MAML2: variants seen among roughly 807,000 people sequenced by gnomAD.
The protein encoded by MAML2 is mastermind-like protein 2.
In MAML2, 22 loss-of-function variants were observed where a neutral mutation model predicts 96.1. The ratio of observed to expected loss-of-function variants is 0.23; its 90% CI spans 0.16 to 0.33. The LOEUF (loss-of-function observed/expected upper bound fraction) is 0.33, where lower values mean the gene tolerates loss of function less well. Among genes scored for constraint, MAML2 ranks in the 10% least tolerant of loss-of-function variants. The probability of loss-of-function intolerance (pLI) is 1.00; values close to 1 mark genes in which losing one functional copy is unlikely to be tolerated. For missense variants in MAML2, 1,367 were observed against 1,392.4 expected (o/e 0.98, Z 0.29); for synonymous variants, 561 against 521.3 (o/e 1.08, Z -1.04).
rs1369876323 is a variant in MAML2, at chr11:96,092,136, T to C, written c.1895A>G (p.Gln632Arg). 2 of 1,550,950 alleles carry C rather than the reference T, an allele frequency of 1.3e-6. No homozygotes were observed. Among genetic ancestry groups the C allele is most frequent in the South Asian group, 1.2e-5 (1 of 84,010 alleles). ...SSISAQQQQQ[Q>R]QSSISAQQQQ... ...CTGTTGGGCTGAAATTGAGCTCTGC[T>C]GCTGTTGCTGTTGTTGAGCTGAAAT... The change falls in exon 2 of 5, where the codon CAG (glutamine) becomes CGG (arginine). Residue 632 changes from glutamine to arginine, a missense_variant. Coordinates refer to ENST00000524717, the MANE Select transcript of MAML2 (RefSeq NM_032427.4). This position sits in a 1 kb window ranked among gnomAD's most constrained non-coding sequence, Gnocchi z 4.1.
At chr11:96,146,429 G>A (rs181697791) in intron 1 of MAML2, among the ~76,000 whole-genome samples, 7 of 150,458 alleles carry the variant, frequency 4.7e-5, no homozygotes, top group East Asian at 1.9e-4. Context: ...GCAGTGAATC[G>A]GGGAGGCAGG....
At chr11:96,178,556 G>A (rs1186625706) in intron 1 of MAML2, among the ~76,000 whole-genome samples, 1 of 152,164 alleles carries the variant, frequency 6.6e-6, no homozygotes, top group Non-Finnish European at 1.5e-5. Flanking sequence ...GGCTGCAGGA[G>A]TGATTGCCTC....
At chr11:96,042,350 G>A (rs1044478768) in intron 2 of MAML2, among the ~76,000 whole-genome samples, 1 of 151,844 alleles carries the variant, frequency 6.6e-6, no homozygotes, top group African/African-American at 2.4e-5. Flanking sequence ...TCGAGCTCCC[G>A]ACCTCAGATG....
At chr11:96,302,227 T>A (rs932323965) in intron 1 of MAML2, among the ~76,000 whole-genome samples, 1 of 150,670 alleles carries the variant, frequency 6.6e-6, no homozygotes, top group African/African-American at 2.5e-5. Context: ...GAAGAATGTT[T>A]CTATCTCTAT....
chr11:96,192,235 A>G (rs1345325525), intron 1 of MAML2, among the ~76,000 whole-genome samples: 2 of 152,142 alleles, frequency 1.3e-5, no homozygotes, highest in African/African-American at 4.8e-5. Context: ...CAGTTAGGGA[A>G]TCATGTGGTT....
At chr11:96,267,502 C>T (rs193268339) in intron 1 of MAML2, among the ~76,000 whole-genome samples, 45 of 152,292 alleles carry the variant, frequency 3.0e-4, no homozygotes, top group Non-Finnish European at 1.5e-5. Context: ...CTCAAGGCAA[C>T]CAGAAAGTGA....
intron 2 of MAML2, among the ~76,000 whole-genome samples, chr11:96,053,405 A>G (rs953959483): frequency 3.3e-5 from 5 of 152,236 alleles, no homozygotes; most frequent in African/African-American, 9.6e-5. Flanking sequence ...ACTGTAACAC[A>G]ACTATAAATT....
intron 2 of MAML2, among the ~76,000 whole-genome samples, chr11:96,015,622 A>G (rs1385476132): frequency 6.8e-6 from 1 of 146,472 alleles, no homozygotes; most frequent in Non-Finnish European, 1.5e-5. Context: ...ATTAGTGATG[A>G]CCCATGTGTA....
intron 1 of MAML2, among the ~76,000 whole-genome samples, chr11:96,266,357 T>G (rs1862826724): frequency 6.6e-6 from 1 of 152,000 alleles, no homozygotes; most frequent in Non-Finnish European, 1.5e-5. Context: ...GATCACGAGG[T>G]CAGGAGATTG....
At chr11:96,061,421 T>C (rs1377541793) in intron 2 of MAML2, among the ~76,000 whole-genome samples, 1 of 152,166 alleles carries the variant, frequency 6.6e-6, no homozygotes, top group African/African-American at 2.4e-5. Flanking sequence ...AGCCATGCAA[T>C]GCAGGTTCCT....
At chr11:96,251,169 A>C (rs1862576932) in intron 1 of MAML2, among the ~76,000 whole-genome samples, 1 of 152,238 alleles carries the variant, frequency 6.6e-6, no homozygotes, top group African/African-American at 2.4e-5. Flanking sequence ...ACTGAGGCTG[A>C]AGTTACCCAG....
chr11:96,059,101 A>C (rs754770395), intron 2 of MAML2, among the ~76,000 whole-genome samples: 5 of 152,158 alleles, frequency 3.3e-5, no homozygotes, highest in Non-Finnish European at 5.9e-5. Flanking sequence ...AATAGCAATA[A>C]AAAATAAAAG....
At chr11:96,124,885 G>C (rs1367488431) in intron 1 of MAML2, among the ~76,000 whole-genome samples, 1 of 152,214 alleles carries the variant, frequency 6.6e-6, no homozygotes, top group African/African-American at 2.4e-5. Flanking sequence ...ATGCTCAGAT[G>C]CAGCTTTCTC....
Position 96,159,407 on chromosome 11 carries a change from C to CTTTTTTTTTTTTTTTTTTTT in MAML2, c.514-65910_514-65891dup, listed in dbSNP as rs760811590. ...TAACCGTGCCTCTAAACCACTGATT[C>CTTTTTTTTTTTTTTTTTTTT]TTTTTTTTTTTTTTTTTTTTTTTGA... On this transcript the variant is annotated intron_variant, in intron 1 of 4. Transcript: ENST00000524717. Among the ~76,000 whole-genome samples, 33 of 91,144 alleles carry CTTTTTTTTTTTTTTTTTTTT rather than the reference C, an allele frequency of 3.6e-4. 1 individual carries two copies. Among genetic ancestry groups the CTTTTTTTTTTTTTTTTTTTT allele is most frequent in the Non-Finnish European group, 4.7e-4 (24 of 50,968 alleles). 59.8% of individuals were successfully genotyped at this position (91,144 alleles called of 152,430 possible).
In MAML2 at chr11:96,342,193, A is replaced by C; in HGVS notation, c.-298T>G. The C allele has an allele frequency of 2.1e-6, 1 of 468,204 alleles. No individual in the cohort carries two copies. The highest frequency in any genetic ancestry group is 3.8e-6 in the Non-Finnish European group (1 of 266,240). The allele number at this position is 468,204 out of a possible 1,614,324, so 29.0% of individuals were successfully genotyped here. ...TGGAGAAGTTGGACAGAGTTGGTGGATTTTTTTTCCTCCACCAAGCTGACA... is the reference window on the plus strand; with the variant it reads ...TGGAGAAGTTGGACAGAGTTGGTGGCTTTTTTTTCCTCCACCAAGCTGACA... On this transcript the variant is annotated 5_prime_UTR_variant, in exon 1 of 5. Transcript: ENST00000524717.
chr11:96,326,479 C>A (rs1472683355), intron 1 of MAML2, among the ~76,000 whole-genome samples: 1 of 151,056 alleles, frequency 6.6e-6, no homozygotes, highest in Non-Finnish European at 1.5e-5. Context: ...CTTTTATATC[C>A]CTTTGCTGAA....
chr11:95,998,174 G>GTCTCTCTGTCTGTCTGTCTATCTA (rs139615820), intron 2 of MAML2, among the ~76,000 whole-genome samples: 1 of 147,716 alleles, frequency 6.8e-6, no homozygotes, highest in Admixed American at 6.8e-5. Context: ...CTGTCTGTCT[G>GTCTCTCTGTCTGTCTGTCTATCTA]TCTATCTATC....
chr11:96,093,177 T>C lies in MAML2; in HGVS notation c.854A>G (p.Gln285Arg), dbSNP rs1175446249. 1.2e-6 allele frequency: 2 copies of C among 1,614,008 alleles called. No individual in the cohort carries two copies. Among genetic ancestry groups the C allele is most frequent in the South Asian group, 2.2e-5 (2 of 91,078 alleles). ...GTACCTATTAGGAAAAATATTCTCT[T>C]GGGTCATTTGGCCATCCATGTGCTT... ...CSKHMDGQMTQENIFPNRYGD... is the reference protein window; with the variant it reads ...CSKHMDGQMTRENIFPNRYGD... The change falls in exon 2 of 5, where the codon CAA becomes CGA. Residue 285 changes from glutamine (Q) to arginine (R), a missense_variant. Gln to Arg is a conservative substitution (Grantham distance 43, BLOSUM62 1). Transcript: ENST00000524717.
intron 1 of MAML2, among the ~76,000 whole-genome samples, chr11:96,192,044 C>A: frequency 6.6e-6 from 1 of 152,284 alleles, no homozygotes; most frequent in Admixed American, 6.5e-5. Flanking sequence ...TCCCACAAAT[C>A]CTAACTATGT....
Sources: gnomAD v4.1 joint callset for allele counts (sites outside exome capture counted in the v4.1 genomes callset) on GRCh38, gnomAD v4.1.1 for gene constraint, Gnocchi (gnomAD v3.1) non-coding constraint, MANE v1.5 for transcripts, NCBI Gene and HGNC (gene_info 2026-07-23, HGNC 2026-07-21) for gene names.